The following ME1 variants were observed in gnomAD, a reference collection of about 807,000 sequenced individuals.
The protein encoded by ME1 is malic enzyme 1.
ME1 carries 74 observed loss-of-function variants against 66.4 expected under a neutral mutation model. The observed-to-expected ratio is 1.11, with a 90% CI of 0.92 to 1.35. The LOEUF (loss-of-function observed/expected upper bound fraction) is 1.35. Among genes scored for constraint, ME1 ranks in the 40% most tolerant of loss-of-function variants. The probability of loss-of-function intolerance (pLI) is 0.00; values close to 1 mark genes in which losing one functional copy is unlikely to be tolerated. For missense variants in ME1, 750 were observed against 694.1 expected (o/e 1.08, Z -0.90); for synonymous variants, 251 against 235.6 (o/e 1.07, Z -0.60).
chr6:83,256,775 A>G (rs953602082), intron 6 of ME1, among the ~76,000 whole-genome samples: 1 of 152,212 alleles, frequency 6.6e-6, no homozygotes, highest in Non-Finnish European at 1.5e-5. Context: ...ACAATAGCAA[A>G]GACTTGGGAC....
intron 3 of ME1, among the ~76,000 whole-genome samples, chr6:83,397,802 GA>G (rs1205044786): frequency 6.6e-6 from 1 of 152,154 alleles, no homozygotes; most frequent in Non-Finnish European, 1.5e-5. Flanking sequence ...CAGCCTTAAA[GA>G]AGAAAGAAAT....
intron 5 of ME1, among the ~76,000 whole-genome samples, chr6:83,326,354 C>G (rs1768290900): frequency 6.6e-6 from 1 of 152,116 alleles, no homozygotes; most frequent in Non-Finnish European, 1.5e-5. Context: ...GACTAAAACA[C>G]CAAAAGCAAT....
At chr6:83,281,596 G>A (rs113867678) in intron 6 of ME1, among the ~76,000 whole-genome samples, 10,775 of 151,648 alleles carry the variant, frequency 0.071, 473 homozygotes, top group Admixed American at 0.098. Context: ...ACTTGAGGTC[G>A]GGAGTTTGAG....
intron 5 of ME1, among the ~76,000 whole-genome samples, chr6:83,345,542 C>A (rs1205290593): frequency 6.6e-6 from 1 of 152,114 alleles, no homozygotes; most frequent in Non-Finnish European, 1.5e-5. Context: ...GATGATATAT[C>A]TGTTTGGGAC....
intron 3 of ME1, among the ~76,000 whole-genome samples, chr6:83,370,461 G>C (rs1769174567): frequency 6.6e-6 from 1 of 152,080 alleles, no homozygotes; most frequent in South Asian, 2.1e-4. Flanking sequence ...AGAGGAAAAC[G>C]AGACAATTTG....
At chr6:83,327,431 C>T (rs545679445) in intron 5 of ME1, among the ~76,000 whole-genome samples, 26 of 152,282 alleles carry the variant, frequency 1.7e-4, no homozygotes, top group African/African-American at 4.3e-4. Flanking sequence ...AAAGAGAATG[C>T]GCACCTAGGG....
chr6:83,392,895 G>A (rs752660719), intron 3 of ME1: 17 of 798,530 alleles, frequency 2.1e-5, no homozygotes, highest in Non-Finnish European at 3.5e-5. Flanking sequence ...AACGCCCCTG[G>A]CCAAGGTCAT....
chr6:83,353,719 CCT>C (rs1485944984), intron 3 of ME1, among the ~76,000 whole-genome samples: 3 of 152,106 alleles, frequency 2.0e-5, no homozygotes, highest in Non-Finnish European at 2.9e-5. Context: ...CATGCTGTCC[CCT>C]GAGTCCTTTT....
intron 6 of ME1, among the ~76,000 whole-genome samples, chr6:83,281,110 A>G (rs1767278731): frequency 6.6e-6 from 1 of 152,240 alleles, no homozygotes; most frequent in Non-Finnish European, 1.5e-5. Context: ...GGTGTTTAGA[A>G]TAGCTATACA....
intron 6 of ME1, among the ~76,000 whole-genome samples, chr6:83,259,256 A>G (rs1396508779): frequency 6.6e-6 from 1 of 152,224 alleles, no homozygotes; most frequent in African/African-American, 2.4e-5. Context: ...AGAGTGCTCA[A>G]TGAATTAAGC....
At chr6:83,379,125 A>G (rs1167399507) in intron 3 of ME1, among the ~76,000 whole-genome samples, 1 of 152,162 alleles carries the variant, frequency 6.6e-6, no homozygotes. Context: ...AGAAATAATG[A>G]AAAGTAATAA....
intron 3 of ME1, among the ~76,000 whole-genome samples, chr6:83,393,595 C>A (rs1337109457): frequency 8.5e-6 from 1 of 117,512 alleles, no homozygotes; most frequent in Non-Finnish European, 2.0e-5. Context: ...TCAATAAAAT[C>A]CCCTGTGCTT....
At chr6:83,407,666 C>A in intron 2 of ME1, 102 bp downstream of exon 2, 1 of 1,209,304 alleles carries the variant, frequency 8.3e-7, no homozygotes. Context: ...AAGTTGGCTA[C>A]CCTTTCCAAA....
At chr6:83,367,192 C>A (rs1192495117) in intron 3 of ME1, among the ~76,000 whole-genome samples, 4 of 151,940 alleles carry the variant, frequency 2.6e-5, no homozygotes, top group African/African-American at 7.2e-5. Flanking sequence ...AGCAGTATGT[C>A]TTAACAGTGG....
chr6:83,271,596 T>C (rs1283301740), intron 6 of ME1, among the ~76,000 whole-genome samples: 1 of 152,182 alleles, frequency 6.6e-6, no homozygotes, highest in East Asian at 1.9e-4. Flanking sequence ...CTGATAACAG[T>C]AATACGTTGT....
At chr6:83,415,488 G>A (rs1770143042) in intron 1 of ME1, among the ~76,000 whole-genome samples, 1 of 152,160 alleles carries the variant, frequency 6.6e-6, no homozygotes, top group Admixed American at 6.5e-5. Flanking sequence ...ATGGAGCAGG[G>A]CCTTAATAAA....
intron 6 of ME1, among the ~76,000 whole-genome samples, chr6:83,294,415 A>G (rs992305853): frequency 1.3e-5 from 2 of 152,068 alleles, no homozygotes; most frequent in Non-Finnish European, 2.9e-5. Flanking sequence ...TAAATATTCT[A>G]TCCGAGCTTG....
intron 3 of ME1, among the ~76,000 whole-genome samples, chr6:83,367,232 G>A (rs1478972337): frequency 1.3e-5 from 2 of 152,162 alleles, no homozygotes; most frequent in African/African-American, 4.8e-5. Context: ...GCTGTAAACA[G>A]ATGTGCTGTC....
intron 5 of ME1, among the ~76,000 whole-genome samples, chr6:83,333,983 C>G (rs113524947): frequency 0.025 from 3,756 of 151,988 alleles, 155 homozygotes; most frequent in East Asian, 0.16. Flanking sequence ...CGAATAGGAA[C>G]AGCTCTGGTC....
Sources: allele counts gnomAD v4.1 joint callset (sites outside exome capture counted in the v4.1 genomes callset), GRCh38; gene constraint gnomAD v4.1.1; transcripts MANE v1.5; gene names NCBI Gene and HGNC (gene_info 2026-07-23, HGNC 2026-07-21).